MTIF3: variants seen among roughly 807,000 people sequenced by gnomAD.
MTIF3 encodes translation initiation factor IF-3, mitochondrial.
MTIF3 carries 13 observed loss-of-function variants against 20.7 expected under a neutral mutation model. That is an observed-to-expected ratio of 0.63 (90% CI 0.41 to 1.00). MTIF3 has a LOEUF of 1.00. MTIF3 is among the 50% of genes least tolerant of loss of function. MTIF3 has a pLI of 0.00. For missense variants in MTIF3, 295 were observed against 324.5 expected (o/e 0.91, Z 0.70); for synonymous variants, 114 against 112.5 (o/e 1.01, Z -0.08).
chr13:27,448,756 G>A (rs924220561), intron 1 of MTIF3, among the ~76,000 whole-genome samples: 1 of 152,172 alleles, frequency 6.6e-6, no homozygotes, highest in African/African-American at 2.4e-5. Flanking sequence ...CTGGACTTAC[G>A]GCCGGGCACG....
intron 2 of MTIF3, chr13:27,441,241 A>T (rs1005053811): frequency 2.0e-5 from 3 of 152,262 alleles, no homozygotes; most frequent in Admixed American, 2.0e-4. Flanking sequence ...AGCGAGTGTC[A>T]TCTTAGGGCT....
At chr13:27,450,425 C>G (rs943331437) in intron 1 of MTIF3, 84 bp downstream of exon 1, 3 of 152,394 alleles carry the variant, frequency 2.0e-5, no homozygotes, top group Non-Finnish European at 4.4e-5. Flanking sequence ...TTCCGGGTGC[C>G]TCCTCCACAG....
chr13:27,436,838 G>A (rs113932487), intron 4 of MTIF3, among the ~76,000 whole-genome samples: 10 of 135,822 alleles, frequency 7.4e-5, no homozygotes, highest in African/African-American at 2.0e-4. Context: ...TGCAAGCTCC[G>A]CCTCCCGGGT....
intron 4 of MTIF3, among the ~76,000 whole-genome samples, chr13:27,436,212 A>C (rs1447863099): frequency 6.6e-6 from 1 of 152,150 alleles, no homozygotes; most frequent in Admixed American, 6.5e-5. Context: ...ATACCTCCTC[A>C]TCCCCAAGGT....
intron 2 of MTIF3, among the ~76,000 whole-genome samples, chr13:27,444,562 A>C (rs942184795): frequency 3.9e-5 from 6 of 152,202 alleles, no homozygotes; most frequent in Non-Finnish European, 7.3e-5. Flanking sequence ...ATTACATTTA[A>C]ATTGCAGCTA....
intron 3 of MTIF3, among the ~76,000 whole-genome samples, chr13:27,437,919 CAT>C (rs1360854341): frequency 2.0e-5 from 3 of 148,966 alleles, no homozygotes; most frequent in East Asian, 1.9e-4. Flanking sequence ...GGATGGAACT[CAT>C]TAAGAAAAAA....
intron 1 of MTIF3, among the ~76,000 whole-genome samples, chr13:27,447,424 A>G (rs931475467): frequency 6.6e-6 from 1 of 152,190 alleles, no homozygotes; most frequent in Non-Finnish European, 1.5e-5. Flanking sequence ...ACAAACGCTT[A>G]CGTTCTTATG....
At chr13:27,446,460 G>A (rs1954184691) in intron 1 of MTIF3, among the ~76,000 whole-genome samples, 1 of 152,236 alleles carries the variant, frequency 6.6e-6, no homozygotes, top group Non-Finnish European at 1.5e-5. Context: ...CCATACAGCA[G>A]AAAATATAAA....
chr13:27,438,386 A>G (rs1953865514), intron 3 of MTIF3, among the ~76,000 whole-genome samples: 1 of 137,730 alleles, frequency 7.3e-6, no homozygotes, highest in Non-Finnish European at 1.5e-5. Flanking sequence ...GCTGTGTGGG[A>G]GGCAGAGGTG....
chr13:27,450,501 A>G lies in MTIF3; in HGVS notation c.-71+8T>C, dbSNP rs1156324455. 1.3e-5 allele frequency: 2 copies of G among 152,330 alleles called. No individual in the cohort carries two copies. Among genetic ancestry groups the G allele is most frequent in the Non-Finnish European group, 2.9e-5 (2 of 68,126 alleles). 9.4% of individuals were successfully genotyped at this position (152,330 alleles called of 1,614,324 possible). ...GCACCGCTCCGCACGCCTCATATTT[A>G]GCATTACCTGTGCTGGGGCAAGCGA... On this transcript the variant is annotated splice_region_variant and intron_variant, in intron 1 of 4. Coordinates refer to ENST00000381120, the MANE Select transcript of MTIF3 (RefSeq NM_152912.5).
chr13:27,449,898 A>G (rs2138221163), intron 1 of MTIF3: 1 of 152,392 alleles, frequency 6.6e-6, no homozygotes, highest in Middle Eastern at 3.4e-3. Flanking sequence ...ACTTGGTTCA[A>G]GTCTTAAGCC....
At chr13:27,437,360 G>T in intron 3 of MTIF3, 87 bp from the exon 4 acceptor site, 1 of 1,225,314 alleles carries the variant, frequency 8.2e-7, no homozygotes, top group South Asian at 1.7e-5. Context: ...TAAAATCCTA[G>T]GTTGCCACCT....
rs1346808121 is a variant in MTIF3, at chr13:27,435,838, G to A, written c.674C>T (p.Ser225Phe). Residue 225 changes from serine to phenylalanine, a missense_variant, in exon 5 of 5, where the codon TCT (serine) becomes TTT (phenylalanine). By Grantham distance (155) the Ser-to-Phe change is radical. Coordinates refer to ENST00000381120, the MANE Select transcript of MTIF3 (RefSeq NM_152912.5). ...TCCTCCTTGAACAGCTTGTGGCCTA[G>A]ATGAGAATGTAGCTATTCCAGGCAT... ...QTMPGIATFS[S>F]RPQAVQGGKA... is the part of the protein sequence containing the mutation. 6.2e-7 allele frequency: 1 copy of A among 1,614,040 alleles called. No individual in the cohort carries two copies. Among genetic ancestry groups the A allele is most frequent in the South Asian group, 1.1e-5 (1 of 91,082 alleles).
intron 3 of MTIF3, among the ~76,000 whole-genome samples, chr13:27,437,768 A>G (rs557799578): frequency 1.6e-4 from 25 of 152,332 alleles, no homozygotes; most frequent in African/African-American, 6.0e-4. Context: ...CGGCCACTCA[A>G]TAAAGGTGTT....
chr13:27,443,872 TAA>T (rs1053016074), intron 2 of MTIF3, among the ~76,000 whole-genome samples: 37 of 152,324 alleles, frequency 2.4e-4, no homozygotes, highest in African/African-American at 5.0e-4. Flanking sequence ...AGTTTTTTTA[TAA>T]GTGTTATTTT....
At chr13:27,441,608 T>C (rs1359749345) in intron 2 of MTIF3, among the ~76,000 whole-genome samples, 3 of 152,256 alleles carry the variant, frequency 2.0e-5, no homozygotes, top group African/African-American at 7.2e-5. Flanking sequence ...AAATGGCACA[T>C]TGATTTTTTA....
In MTIF3 at chr13:27,440,468, G is replaced by T; in HGVS notation, c.-1-19C>A. 1 of 1,546,924 alleles carries T rather than the reference G, an allele frequency of 6.5e-7. No homozygotes were observed. The highest frequency in any genetic ancestry group is 8.8e-7 in the Non-Finnish European group (1 of 1,140,862). On this transcript the variant is annotated intron_variant, in intron 2 of 4. Coordinates refer to ENST00000381120, the MANE Select transcript of MTIF3 (RefSeq NM_152912.5). ...AGCCATCCTAAGAAAGTAGTAAGAA[G>T]AGTTCATTAAAATTCAATCACTTAT... is the stretch of plus-strand genomic sequence containing the variant.
intron 2 of MTIF3, among the ~76,000 whole-genome samples, chr13:27,442,970 C>T (rs760325799): frequency 2.0e-5 from 3 of 152,220 alleles, no homozygotes; most frequent in African/African-American, 7.2e-5. Context: ...CAGCTCAGAG[C>T]CTGGCTCAGC....
intron 3 of MTIF3, among the ~76,000 whole-genome samples, chr13:27,438,350 CATG>C (rs1207412528): frequency 7.0e-6 from 1 of 142,210 alleles, no homozygotes; most frequent in Non-Finnish European, 1.5e-5. Flanking sequence ...AAAGGCCAGG[CATG>C]GTGGTGTGCA....
Sources: gnomAD v4.1 joint callset for allele counts (sites outside exome capture counted in the v4.1 genomes callset) on GRCh38, gnomAD v4.1.1 for gene constraint, MANE v1.5 for transcripts, NCBI Gene and HGNC (gene_info 2026-07-23, HGNC 2026-07-21) for gene names.